The following AKAIN1 variants were observed in gnomAD, a reference collection of about 807,000 sequenced individuals.
AKAIN1 encodes the protein A-kinase anchor protein inhibitor 1.
Under a neutral mutation model 3.7 loss-of-function variants are expected in AKAIN1, and 3 were observed. That is an observed-to-expected ratio of 0.82 (90% CI 0.37 to 2.12). The LOEUF is 2.12. AKAIN1 is among the 30% of genes most tolerant of loss of function. The probability of loss-of-function intolerance (pLI) is 0.06; values close to 1 mark genes in which losing one functional copy is unlikely to be tolerated. For missense variants in AKAIN1, 82 were observed against 82.7 expected, an observed-to-expected ratio of 0.99 and a Z score of 0.03; for synonymous variants, 31 against 30.8, an observed-to-expected ratio of 1.01 and a Z score of -0.02.
At chr18:5,163,683 T>C (rs2071152288) in intron 1 of AKAIN1, 1 of 152,070 alleles carries the variant, frequency 6.6e-6, no homozygotes, top group South Asian at 2.1e-4. Flanking sequence ...CTTGGCAGCC[T>C]TCAAGCAATA....
At chr18:5,151,878 T>C (rs1291699656) in intron 1 of AKAIN1, among the ~76,000 whole-genome samples, 1 of 152,242 alleles carries the variant, frequency 6.6e-6, no homozygotes, top group African/African-American at 2.4e-5. Flanking sequence ...CATATATTCA[T>C]TCATAAAAGA....
chr18:5,187,962 G>C (rs2071296903), intron 1 of AKAIN1, among the ~76,000 whole-genome samples: 1 of 152,094 alleles, frequency 6.6e-6, no homozygotes, highest in African/African-American at 2.4e-5. Flanking sequence ...TTTCTAAAAT[G>C]CAATGGTAGG....
At chr18:5,187,065 A>C (rs1317918778) in intron 1 of AKAIN1, among the ~76,000 whole-genome samples, 1 of 152,194 alleles carries the variant, frequency 6.6e-6, no homozygotes, top group Non-Finnish European at 1.5e-5. Context: ...TTATAGCATT[A>C]AATTTGCTTA....
intron 1 of AKAIN1, among the ~76,000 whole-genome samples, chr18:5,146,727 A>C (rs1264793749): frequency 6.6e-6 from 1 of 152,228 alleles, no homozygotes; most frequent in Non-Finnish European, 1.5e-5. Context: ...AGACAGTCTA[A>C]GTTCATGGGT....
chr18:5,172,566 CATAATTTTTAT>C (rs1429108824), intron 1 of AKAIN1, among the ~76,000 whole-genome samples: 1 of 151,956 alleles, frequency 6.6e-6, no homozygotes, highest in Admixed American at 6.6e-5. Context: ...TATATTTTTA[CATAATTTTTAT>C]GTAACTATGT....
At chr18:5,190,065 G>C (rs982802671) in intron 1 of AKAIN1, among the ~76,000 whole-genome samples, 22 of 152,166 alleles carry the variant, frequency 1.4e-4, no homozygotes, top group Non-Finnish European at 2.8e-4. Flanking sequence ...TATTTGGCAA[G>C]GGTCACCCCA....
At chr18:5,150,851 C>A (rs1016248071) in intron 1 of AKAIN1, among the ~76,000 whole-genome samples, 1 of 152,210 alleles carries the variant, frequency 6.6e-6, no homozygotes, top group African/African-American at 2.4e-5. Context: ...GGATGACCAT[C>A]CTGATAAAAA....
chr18:5,159,947 T>C (rs890451583), intron 1 of AKAIN1, among the ~76,000 whole-genome samples: 3 of 152,226 alleles, frequency 2.0e-5, no homozygotes, highest in Non-Finnish European at 2.9e-5. Context: ...GGTTTGATCA[T>C]TTTTACTTCT....
intron 1 of AKAIN1, among the ~76,000 whole-genome samples, chr18:5,189,292 A>C (rs1016118810): frequency 2.0e-5 from 3 of 152,186 alleles, no homozygotes; most frequent in African/African-American, 7.2e-5. Context: ...CTTTATGAAT[A>C]GCACCTGGCA....
chr18:5,160,367 T>A (rs887346182), intron 1 of AKAIN1, among the ~76,000 whole-genome samples: 2 of 152,210 alleles, frequency 1.3e-5, no homozygotes, highest in African/African-American at 4.8e-5. Context: ...AGAGATTGAT[T>A]TATGATGACG....
intron 1 of AKAIN1, among the ~76,000 whole-genome samples, chr18:5,148,174 T>C (rs2071059896): frequency 6.6e-6 from 1 of 152,234 alleles, no homozygotes; most frequent in South Asian, 2.1e-4. Context: ...CTGTTGTAAC[T>C]GAGAAACTCA....
At chr18:5,155,124 A>C (rs2071100014) in intron 1 of AKAIN1, among the ~76,000 whole-genome samples, 1 of 151,770 alleles carries the variant, frequency 6.6e-6, no homozygotes, top group African/African-American at 2.4e-5. Flanking sequence ...GGGCTCAAGT[A>C]ATCTGCCCAC....
chr18:5,174,368 G>C (rs1010070921), intron 1 of AKAIN1, among the ~76,000 whole-genome samples: 4 of 152,124 alleles, frequency 2.6e-5, no homozygotes, highest in African/African-American at 9.7e-5. Context: ...CACCTTGTCT[G>C]GTCTTATCAG....
At chr18:5,179,049 G>A (rs2071242311) in intron 1 of AKAIN1, among the ~76,000 whole-genome samples, 2 of 152,106 alleles carry the variant, frequency 1.3e-5, no homozygotes, top group African/African-American at 4.8e-5. Flanking sequence ...CATGCTCAAA[G>A]CACCATTTTT....
intron 1 of AKAIN1, among the ~76,000 whole-genome samples, chr18:5,148,374 T>C (rs1401180002): frequency 6.6e-6 from 1 of 152,192 alleles, no homozygotes; most frequent in African/African-American, 2.4e-5. Context: ...CAATATCCCA[T>C]GTGGGACCAA....
chr18:5,189,291 T>G (rs1209208248), intron 1 of AKAIN1, among the ~76,000 whole-genome samples: 4 of 152,194 alleles, frequency 2.6e-5, no homozygotes, highest in African/African-American at 4.8e-5. Context: ...TCTTTATGAA[T>G]AGCACCTGGC....
intron 1 of AKAIN1, among the ~76,000 whole-genome samples, chr18:5,164,046 T>G (rs560089181): frequency 1.4e-3 from 219 of 152,176 alleles, no homozygotes; most frequent in African/African-American, 5.1e-3. Context: ...CCATTACTCT[T>G]TTGAATATAT....
At chr18:5,164,946 C>G (rs1248585222) in intron 1 of AKAIN1, among the ~76,000 whole-genome samples, 1 of 151,966 alleles carries the variant, frequency 6.6e-6, no homozygotes, top group Non-Finnish European at 1.5e-5. Context: ...TCAATTATAT[C>G]TAAAGGTAAC....
At chr18:5,176,456 A>C (rs1382068672) in intron 1 of AKAIN1, among the ~76,000 whole-genome samples, 1 of 151,614 alleles carries the variant, frequency 6.6e-6, no homozygotes, top group Non-Finnish European at 1.5e-5. Context: ...AAACAAACAA[A>C]CAAAAAAAAC....
Sources: gnomAD v4.1 joint callset for allele counts (sites outside exome capture counted in the v4.1 genomes callset) on GRCh38, gnomAD v4.1.1 for gene constraint, MANE v1.5 for transcripts, NCBI Gene and HGNC (gene_info 2026-07-23, HGNC 2026-07-21) for gene names.